The following HIP1 variants were observed in gnomAD, a reference collection of about 807,000 sequenced individuals.
HIP1 encodes huntingtin interacting protein 1.
A neutral mutation model predicts 147.6 loss-of-function variants in HIP1; 65 were observed. The ratio of observed to expected loss-of-function variants is 0.44; its 90% CI spans 0.36 to 0.54. HIP1 has a LOEUF of 0.54. Ranked by LOEUF, HIP1 falls within the 20% of genes least tolerant of loss-of-function variation. The pLI is 0.00. For synonymous variants in HIP1, 479 were observed against 504.0 expected, an observed-to-expected ratio of 0.95 and a Z score of 0.67; for missense variants, 1,061 against 1,299.6, an observed-to-expected ratio of 0.82 and a Z score of 2.82.
At chr7:75,633,123 C>G (rs1798288918) in intron 1 of HIP1, among the ~76,000 whole-genome samples, 1 of 151,994 alleles carries the variant, frequency 6.6e-6, no homozygotes. Context: ...ATGTCACAGA[C>G]CTGCACATGT....
chr7:75,698,044 A>T (rs1448689331), intron 1 of HIP1, among the ~76,000 whole-genome samples: 9 of 152,068 alleles, frequency 5.9e-5, no homozygotes, highest in African/African-American at 2.2e-4. Flanking sequence ...GCTCAAGCTG[A>T]TCTCAAACTC....
At position 75,547,007 on chromosome 7, in the gene HIP1, T is replaced by G. The variant is rs905465190; in HGVS notation, c.2491A>C (p.Met831Leu). Residue 831 changes from methionine to leucine, a missense_variant, in exon 25 of 31, where the codon ATG (methionine) becomes CTG (leucine). Met to Leu is a conservative substitution (Grantham distance 15). Around this residue, in one of 3 missense-constraint regions of HIP1, gnomAD observed 810 missense variants for 946.8 expected, o/e 0.86. Transcript: ENST00000336926. The part of the protein sequence containing the change: ...ERILGCCTSL[M>L]QAIQVLIVAS... ...ACGATGAGCACCTGAATAGCTTGCATGAGGCTGGTACAGCAACCAAGGATC... is the reference window on the plus strand; with the variant it reads ...ACGATGAGCACCTGAATAGCTTGCAGGAGGCTGGTACAGCAACCAAGGATC... 7 of 1,586,430 alleles carry G rather than the reference T, an allele frequency of 4.4e-6. No individual in the cohort carries two copies. The highest frequency in any genetic ancestry group is 6.0e-6 in the Non-Finnish European group (7 of 1,165,358).
chr7:75,702,667 G>C (rs1800872767), intron 1 of HIP1, among the ~76,000 whole-genome samples: 1 of 152,228 alleles, frequency 6.6e-6, no homozygotes, highest in East Asian at 1.9e-4. Flanking sequence ...CATGGCTGAA[G>C]GGGAAGGGGA....
chr7:75,617,787 T>C (rs1379465665), intron 1 of HIP1, among the ~76,000 whole-genome samples: 2 of 152,174 alleles, frequency 1.3e-5, no homozygotes, highest in Admixed American at 6.5e-5. Flanking sequence ...CCTGTCGTCA[T>C]GGAGGAAACC....
intron 7 of HIP1, among the ~76,000 whole-genome samples, chr7:75,575,489 C>G (rs782387470): frequency 6.6e-6 from 1 of 152,116 alleles, no homozygotes; most frequent in East Asian, 1.9e-4. Context: ...CAAAACAATA[C>G]AAAACAAGAA....
intron 20 of HIP1, 98 bp from the exon 21 acceptor site, chr7:75,554,318 GTA>G: frequency 7.8e-7 from 1 of 1,281,946 alleles, no homozygotes; most frequent in Non-Finnish European, 1.1e-6. Context: ...TGCCTTTCTT[GTA>G]TGAGTTGCCT....
At chr7:75,685,414 G>T (rs552279081) in intron 1 of HIP1, among the ~76,000 whole-genome samples, 1 of 152,182 alleles carries the variant, frequency 6.6e-6, no homozygotes, top group South Asian at 2.1e-4. Context: ...ATGGTATTGC[G>T]TGTGCTCCCT....
In HIP1 at chr7:75,592,463, A is replaced by G. The variant is rs376098630; in HGVS notation, c.236T>C (p.Val79Ala). The part of the protein sequence containing the change: ...HEKGAQTFWS[V>A]VNRLPLSSNA... ...GCTAGACAGAGGCAGGCGGTTGACA[A>G]CAGACCAGAAGGTCTGTGCCCCTTT... is the stretch of plus-strand genomic sequence containing the variant. Residue 79 changes from valine (V) to alanine (A), a missense_variant, in exon 3 of 31, where the codon GTT (valine) becomes GCT (alanine). By Grantham distance (64) the Val-to-Ala change is moderately conservative. Around this residue, in one of 3 missense-constraint regions of HIP1, gnomAD observed 225 missense variants for 292.9 expected, o/e 0.77. Coordinates refer to ENST00000336926, the MANE Select transcript of HIP1 (RefSeq NM_005338.7). The G allele has an allele frequency of 1.9e-6, 3 of 1,612,034 alleles. No homozygotes were observed. Among genetic ancestry groups the G allele is most frequent in the Non-Finnish European group, 2.5e-6 (3 of 1,179,614 alleles).
intron 1 of HIP1, among the ~76,000 whole-genome samples, chr7:75,714,970 C>T (rs1554520445): frequency 6.6e-6 from 1 of 152,210 alleles, no homozygotes; most frequent in Non-Finnish European, 1.5e-5. Context: ...CTTAGCCTTT[C>T]CTGCTCTTTC....
chr7:75,647,676 T>C (rs1000900327), intron 1 of HIP1, among the ~76,000 whole-genome samples: 2 of 152,336 alleles, frequency 1.3e-5, no homozygotes, highest in East Asian at 1.9e-4. Flanking sequence ...TGGGTCAGGG[T>C]GTGCATGGCT....
chr7:75,660,220 A>T (rs1189313623), intron 1 of HIP1, among the ~76,000 whole-genome samples: 2 of 104,736 alleles, frequency 1.9e-5, no homozygotes, highest in East Asian at 4.4e-4. Context: ...ACGTGGTAAA[A>T]AAAAAAAAAA....
intron 8 of HIP1, among the ~76,000 whole-genome samples, chr7:75,569,032 G>A (rs1795514672): frequency 6.6e-6 from 1 of 151,830 alleles, no homozygotes; most frequent in Non-Finnish European, 1.5e-5. Flanking sequence ...ATTGAGGCTT[G>A]GGATCTGAGT....
chr7:75,574,278 C>T (rs1795756596), intron 7 of HIP1, among the ~76,000 whole-genome samples: 3 of 149,900 alleles, frequency 2.0e-5, no homozygotes, highest in Non-Finnish European at 4.4e-5. Context: ...CAGAGCAAAA[C>T]TCAGTCTCGA....
chr7:75,568,911 A>G lies in HIP1; in HGVS notation c.746-655T>C, dbSNP rs1554496049. Among the ~76,000 whole-genome samples, 1 of 152,242 alleles carries G rather than the reference A, an allele frequency of 6.6e-6. No individual in the cohort carries two copies. Among genetic ancestry groups the G allele is most frequent in the Non-Finnish European group, 1.5e-5 (1 of 68,046 alleles). On this transcript the variant is annotated intron_variant, in intron 8 of 30. Transcript: ENST00000336926. The surrounding 1 kb of genome is among the most constrained non-coding windows in gnomAD (Gnocchi z 4.1). The stretch of plus-strand genomic sequence containing the variant: ...GTAATCCCAGCTACTTGGGAGGCTG[A>G]GGCAGGAGAATTGCTTGAACCCAGC...
At chr7:75,736,855 T>C (rs1468786854) in intron 1 of HIP1, among the ~76,000 whole-genome samples, 1 of 151,856 alleles carries the variant, frequency 6.6e-6, no homozygotes, top group East Asian at 1.9e-4. Flanking sequence ...TTTTCTTTTT[T>C]TTTTTTGTAG....
At chr7:75,669,413 A>G (rs1252373377) in intron 1 of HIP1, among the ~76,000 whole-genome samples, 1 of 151,682 alleles carries the variant, frequency 6.6e-6, no homozygotes, top group East Asian at 1.9e-4. Context: ...CAACAAAAAA[A>G]TTAGCTGGGT....
chr7:75,551,495 G>A (rs1201816274), intron 22 of HIP1, among the ~76,000 whole-genome samples: 1 of 148,660 alleles, frequency 6.7e-6, no homozygotes, highest in Non-Finnish European at 1.5e-5. Context: ...GATTACAGGC[G>A]TGAGCCACCA....
intron 1 of HIP1, among the ~76,000 whole-genome samples, chr7:75,661,572 CA>C (rs61482074): frequency 0.16 from 7,702 of 46,898 alleles, 134 homozygotes; most frequent in South Asian, 0.21. Context: ...GACTCCATCT[CA>C]AAAAAAAAAA....
At chr7:75,623,989 G>A (rs1335987180) in intron 1 of HIP1, among the ~76,000 whole-genome samples, 1 of 152,170 alleles carries the variant, frequency 6.6e-6, no homozygotes, top group Non-Finnish European at 1.5e-5. Context: ...TTGAGGGCAG[G>A]AGGATCACTC....
Sources: allele counts gnomAD v4.1 joint callset (sites outside exome capture counted in the v4.1 genomes callset), GRCh38; gene constraint gnomAD v4.1.1; regional missense constraint gnomAD v4.1.1; non-coding constraint Gnocchi (gnomAD v3.1); transcripts MANE v1.5; gene names NCBI Gene and HGNC (gene_info 2026-07-23, HGNC 2026-07-21).